MAGI1: variants seen among roughly 807,000 people sequenced by gnomAD.
MAGI1 encodes membrane-associated guanylate kinase, WW and PDZ domain-containing protein 1.
A neutral mutation model predicts 139.9 loss-of-function variants in MAGI1; 58 were observed. That is an observed-to-expected ratio of 0.41 (90% CI 0.34 to 0.52). The LOEUF is 0.52. Ranked by LOEUF, MAGI1 falls within the 20% of genes least tolerant of loss-of-function variation. The pLI is 0.12. For missense variants in MAGI1, 1,874 were observed against 1,901.6 expected (o/e 0.99, Z 0.27); for synonymous variants, 812 against 737.9 (o/e 1.10, Z -1.63).
At chr3:65,850,706 C>T (rs2059171305) in intron 1 of MAGI1, among the ~76,000 whole-genome samples, 1 of 152,192 alleles carries the variant, frequency 6.6e-6, no homozygotes, top group African/African-American at 2.4e-5. Flanking sequence ...AAGCCACCGA[C>T]ACAGAAACAA....
chr3:66,032,861 G>T (rs1238685570), intron 1 of MAGI1, among the ~76,000 whole-genome samples: 3 of 145,436 alleles, frequency 2.1e-5, no homozygotes, highest in Non-Finnish European at 3.0e-5. Flanking sequence ...GTTGCAGTGA[G>T]CCGAGATCGC....
intron 1 of MAGI1, among the ~76,000 whole-genome samples, chr3:65,884,834 T>TA (rs1407291730): frequency 3.3e-5 from 5 of 152,200 alleles, no homozygotes; most frequent in African/African-American, 1.2e-4. Flanking sequence ...GGTTTTCTGT[T>TA]AGAGGAACAG....
At chr3:65,725,911 G>C (rs1277867759) in intron 1 of MAGI1, among the ~76,000 whole-genome samples, 1 of 152,080 alleles carries the variant, frequency 6.6e-6, no homozygotes, top group Non-Finnish European at 1.5e-5. Flanking sequence ...CTTGATTCCA[G>C]GTAAGTTAAT....
chr3:65,489,756 T>C (rs1244509854), intron 3 of MAGI1, among the ~76,000 whole-genome samples: 5 of 152,226 alleles, frequency 3.3e-5, no homozygotes, highest in African/African-American at 9.6e-5. Context: ...TACATATATG[T>C]TGTGTACATA....
intron 1 of MAGI1, among the ~76,000 whole-genome samples, chr3:65,913,170 G>A (rs531904581): frequency 2.6e-5 from 4 of 152,212 alleles, no homozygotes; most frequent in Admixed American, 1.3e-4. Flanking sequence ...CTGAGGCACA[G>A]GAGGCGGAGG....
At chr3:65,372,048 A>G (rs1324874066) in intron 18 of MAGI1, 1 of 220,214 alleles carries the variant, frequency 4.5e-6, no homozygotes, top group Non-Finnish European at 9.5e-6. Flanking sequence ...AATGTTCTTA[A>G]TGGCATCTAG....
At chr3:65,853,485 A>G (rs2059275899) in intron 1 of MAGI1, among the ~76,000 whole-genome samples, 1 of 152,194 alleles carries the variant, frequency 6.6e-6, no homozygotes, top group Non-Finnish European at 1.5e-5. Context: ...TTTCAATATC[A>G]AAAGTCTAAA....
intron 1 of MAGI1, among the ~76,000 whole-genome samples, chr3:65,651,483 G>C (rs79662073): frequency 0.14 from 21,540 of 152,106 alleles, 1,764 homozygotes; most frequent in Middle Eastern, 0.21. Flanking sequence ...TGCCTTGATG[G>C]TCATGGTGGT....
chr3:65,860,902 GAATTCA>G (rs559666929), intron 1 of MAGI1, among the ~76,000 whole-genome samples: 4 of 151,754 alleles, frequency 2.6e-5, no homozygotes, highest in Admixed American at 6.6e-5. Flanking sequence ...TAGAGAATTC[GAATTCA>G]AATTCAAATT....
At chr3:65,459,691 G>C (rs1303764095) in intron 5 of MAGI1, among the ~76,000 whole-genome samples, 1 of 152,134 alleles carries the variant, frequency 6.6e-6, no homozygotes, top group Non-Finnish European at 1.5e-5. Context: ...GGGTGGCTGA[G>C]GCAGGTAGAT....
intron 2 of MAGI1, among the ~76,000 whole-genome samples, chr3:65,601,857 C>A (rs1024941627): frequency 4.6e-5 from 7 of 152,098 alleles, no homozygotes; most frequent in Non-Finnish European, 1.0e-4. Flanking sequence ...AAGCATTTAT[C>A]TGATAAGGTC....
At chr3:65,621,684 C>T (rs1176468665) in intron 2 of MAGI1, among the ~76,000 whole-genome samples, 1 of 152,194 alleles carries the variant, frequency 6.6e-6, no homozygotes, top group South Asian at 2.1e-4. Context: ...ATTGACTCCT[C>T]ATAGCAGTTC....
chr3:65,844,999 T>G (rs2058936777), intron 1 of MAGI1, among the ~76,000 whole-genome samples: 2 of 152,020 alleles, frequency 1.3e-5, no homozygotes, highest in Non-Finnish European at 2.9e-5. Flanking sequence ...CACACTGTAA[T>G]CCCAGCACTT....
At chr3:65,765,943 A>C (rs926330853) in intron 1 of MAGI1, among the ~76,000 whole-genome samples, 1 of 152,196 alleles carries the variant, frequency 6.6e-6, no homozygotes, top group African/African-American at 2.4e-5. Context: ...ACATCTGCTG[A>C]CCTAACTAAA....
intron 1 of MAGI1, among the ~76,000 whole-genome samples, chr3:65,841,431 TTTTG>T (rs1183291462): frequency 8.5e-6 from 1 of 117,396 alleles, no homozygotes; most frequent in Non-Finnish European, 1.8e-5. Context: ...TTGTTTTGCT[TTTTG>T]TTTTTGTTTT....
Position 65,383,446 on chromosome 3 carries a change from T to TAAATCTTGGTG in MAGI1, c.2508+75_2508+85dup, listed in dbSNP as rs568910032. 2.6e-4 allele frequency: 255 copies of TAAATCTTGGTG among 982,518 alleles called. No individual in the cohort carries two copies. The African/African-American group carries it at 3.6e-3, about 14-fold the overall frequency. The allele number at this position is 982,518 out of a possible 1,614,324, so 60.9% of individuals were successfully genotyped here. A position where few individuals can be genotyped will look rare whatever the true frequency, so the allele number is the denominator to read the frequency against. On this transcript the variant is annotated intron_variant, in intron 15 of 22. Coordinates refer to ENST00000402939, the MANE Select transcript of MAGI1 (RefSeq NM_001033057.2). ...AGTCAGTGTTGCATCTAGCTGGACT[T>TAAATCTTGGTG]AAATCTTGGTGATTTGTCACTGTCG... is the stretch of plus-strand genomic sequence containing the variant.
chr3:65,385,566 C>T (rs1007922907), intron 14 of MAGI1, among the ~76,000 whole-genome samples: 2 of 152,204 alleles, frequency 1.3e-5, no homozygotes, highest in Non-Finnish European at 2.9e-5. Context: ...TTTAGTGATT[C>T]ACCCACAAAC....
At chr3:65,782,709 TTAGTC>T (rs1420338131) in intron 1 of MAGI1, among the ~76,000 whole-genome samples, 1 of 151,508 alleles carries the variant, frequency 6.6e-6, no homozygotes, top group Admixed American at 6.6e-5. Flanking sequence ...AGGACTCTGT[TTAGTC>T]AAGTTGATTT....
intron 2 of MAGI1, among the ~76,000 whole-genome samples, chr3:65,592,771 T>C (rs1196053379): frequency 1.3e-5 from 2 of 152,166 alleles, no homozygotes; most frequent in Admixed American, 1.3e-4. Flanking sequence ...GTGCTTGACT[T>C]TTCTGCAAGC....
Sources: gnomAD v4.1 joint callset for allele counts (sites outside exome capture counted in the v4.1 genomes callset) on GRCh38, gnomAD v4.1.1 for gene constraint, MANE v1.5 for transcripts, NCBI Gene and HGNC (gene_info 2026-07-23, HGNC 2026-07-21) for gene names.